Variants in LPP observed in about 807,000 individuals in gnomAD.
The protein encoded by LPP is lipoma-preferred partner.
A neutral mutation model predicts 60.4 loss-of-function variants in LPP; 38 were observed. That is an observed-to-expected ratio of 0.63 (90% CI 0.49 to 0.83). The LOEUF (loss-of-function observed/expected upper bound fraction) is 0.83, where lower values mean the gene tolerates loss of function less well. Among genes scored for constraint, LPP ranks in the 40% least tolerant of loss-of-function variants. The pLI, the probability that LPP is intolerant of heterozygous loss-of-function variation, is 0.00. For missense variants in LPP, 902 were observed against 783.6 expected (o/e 1.15, Z -1.80); for synonymous variants, 328 against 290.8 (o/e 1.13, Z -1.30).
intron 3 of LPP, among the ~76,000 whole-genome samples, chr3:188,375,450 C>T (rs865860517): frequency 1.2e-4 from 19 of 152,214 alleles, no homozygotes; most frequent in Admixed American, 3.3e-4. Context: ...ATGTATGTGT[C>T]GAGGAATTTA....
intron 8 of LPP, among the ~76,000 whole-genome samples, chr3:188,715,492 T>G (rs1425750366): frequency 6.6e-6 from 1 of 151,224 alleles, no homozygotes; most frequent in Non-Finnish European, 1.5e-5. Flanking sequence ...AACTTTTAAA[T>G]TGAGTATTAA....
chr3:188,843,613 C>G (rs1760626831), intron 9 of LPP, among the ~76,000 whole-genome samples: 1 of 151,192 alleles, frequency 6.6e-6, no homozygotes, highest in Non-Finnish European at 1.5e-5. Context: ...CGGTGAAACC[C>G]CGTCTCTACT....
At chr3:188,792,905 T>C (rs1203589232) in intron 9 of LPP, among the ~76,000 whole-genome samples, 1 of 152,100 alleles carries the variant, frequency 6.6e-6, no homozygotes, top group Non-Finnish European at 1.5e-5. Context: ...GTCTCCTCAC[T>C]GGTTTGCGTG....
At chr3:188,347,808 C>T (rs1166925294) in intron 3 of LPP, among the ~76,000 whole-genome samples, 2 of 152,128 alleles carry the variant, frequency 1.3e-5, no homozygotes, top group African/African-American at 4.8e-5. Context: ...AGATGGAAGA[C>T]GCCTCGGAGT....
intron 8 of LPP, among the ~76,000 whole-genome samples, chr3:188,740,751 A>G (rs950296918): frequency 6.6e-6 from 1 of 151,946 alleles, no homozygotes; most frequent in African/African-American, 2.4e-5. Flanking sequence ...TCCATAAGAG[A>G]TTACTTCATA....
At chr3:188,532,470 G>A (rs1199376090) in intron 6 of LPP, among the ~76,000 whole-genome samples, 1 of 152,168 alleles carries the variant, frequency 6.6e-6, no homozygotes, top group East Asian at 1.9e-4. Context: ...AGTGTTCTGT[G>A]AGTAGCATAG....
intron 9 of LPP, among the ~76,000 whole-genome samples, chr3:188,792,511 C>T (rs1258189646): frequency 6.6e-6 from 1 of 152,174 alleles, no homozygotes; most frequent in Non-Finnish European, 1.5e-5. Context: ...TGCCCCTTCC[C>T]TCTTCTCTCA....
chr3:188,673,132 T>C (rs1857285648), intron 7 of LPP, among the ~76,000 whole-genome samples: 1 of 152,158 alleles, frequency 6.6e-6, no homozygotes, highest in South Asian at 2.1e-4. Context: ...GGAGTACAAA[T>C]TAAACAACCT....
intron 3 of LPP, among the ~76,000 whole-genome samples, chr3:188,402,851 C>T (rs905568793): frequency 6.6e-6 from 1 of 152,176 alleles, no homozygotes; most frequent in Non-Finnish European, 1.5e-5. Context: ...TTAGGCTACT[C>T]TTCCTTGGAG....
At chr3:188,805,888 T>C (rs1334907833) in intron 9 of LPP, among the ~76,000 whole-genome samples, 2 of 151,928 alleles carry the variant, frequency 1.3e-5, no homozygotes, top group African/African-American at 4.8e-5. Flanking sequence ...ATATTTTTTC[T>C]AGGCCTTTCT....
At chr3:188,836,574 A>G (rs1483901310) in intron 9 of LPP, among the ~76,000 whole-genome samples, 2 of 152,232 alleles carry the variant, frequency 1.3e-5, no homozygotes, top group African/African-American at 2.4e-5. Context: ...GGCTCAATGC[A>G]TGAATGAATG....
chr3:188,354,040 G>C (rs1428389932), intron 3 of LPP, among the ~76,000 whole-genome samples: 1 of 151,612 alleles, frequency 6.6e-6, no homozygotes, highest in East Asian at 1.9e-4. Flanking sequence ...GTCTGATATT[G>C]ATGTTCTGTA....
intron 1 of LPP, among the ~76,000 whole-genome samples, chr3:188,157,805 G>A (rs1029210504): frequency 6.6e-6 from 1 of 151,972 alleles, no homozygotes. Flanking sequence ...AGAGAGGGGG[G>A]TGTCTGAGCT....
chr3:188,207,839 T>G (rs150553181), intron 1 of LPP, among the ~76,000 whole-genome samples: 2 of 152,104 alleles, frequency 1.3e-5, no homozygotes, highest in African/African-American at 2.4e-5. Context: ...AGCCCAAAAG[T>G]CTAACCCACC....
At chr3:188,166,852 G>A (rs1371773349) in intron 1 of LPP, among the ~76,000 whole-genome samples, 1 of 152,118 alleles carries the variant, frequency 6.6e-6, no homozygotes, top group Non-Finnish European at 1.5e-5. Context: ...TATATATGAA[G>A]TAATAAATGA....
chr3:188,349,025 T>G (rs1390228790), intron 3 of LPP, among the ~76,000 whole-genome samples: 1 of 152,182 alleles, frequency 6.6e-6, no homozygotes, highest in African/African-American at 2.4e-5. Context: ...GGGATTGGAT[T>G]CTAAGTCTTT....
At chr3:188,536,304 C>T (rs537331677) in intron 6 of LPP, among the ~76,000 whole-genome samples, 128 of 140,576 alleles carry the variant, frequency 9.1e-4, no homozygotes, top group Non-Finnish European at 1.6e-3. Context: ...CCACTGCACC[C>T]GGCCATATTA....
At chr3:188,401,411 T>C (rs1303497800) in intron 3 of LPP, among the ~76,000 whole-genome samples, 3 of 152,214 alleles carry the variant, frequency 2.0e-5, no homozygotes, top group Non-Finnish European at 2.9e-5. Context: ...ATCTTTGCCC[T>C]GGTTACTCCA....
chr3:188,582,648 C>A (rs888482878), intron 6 of LPP, among the ~76,000 whole-genome samples: 1 of 152,230 alleles, frequency 6.6e-6, no homozygotes, highest in African/African-American at 2.4e-5. Flanking sequence ...TCTTCAGATT[C>A]AATTGTTTCT....
Sources: allele counts gnomAD v4.1 joint callset (sites outside exome capture counted in the v4.1 genomes callset), GRCh38; gene constraint gnomAD v4.1.1; transcripts MANE v1.5; gene names NCBI Gene and HGNC (gene_info 2026-07-23, HGNC 2026-07-21).